The following PID1 variants were observed in gnomAD, a reference collection of about 807,000 sequenced individuals.
PID1 encodes phosphotyrosine interaction domain containing 1.
In PID1, 10 loss-of-function variants were observed where a neutral mutation model predicts 19.1. The ratio of observed to expected loss-of-function variants is 0.52; its 90% CI spans 0.32 to 0.89. The LOEUF is 0.89. Among genes scored for constraint, PID1 ranks in the 40% least tolerant of loss-of-function variants. The pLI, the probability that PID1 is intolerant of heterozygous loss-of-function variation, is 0.03. For synonymous variants in PID1, 130 were observed against 116.0 expected (o/e 1.12, Z -0.78); for missense variants, 248 against 285.3 (o/e 0.87, Z 0.94).
chr2:229,201,965 C>G (rs1691507371), intron 1 of PID1, among the ~76,000 whole-genome samples: 1 of 152,034 alleles, frequency 6.6e-6, no homozygotes, highest in Admixed American at 6.6e-5. Context: ...AAGCCACATT[C>G]CTATGGCTCC....
chr2:229,195,319 CAT>C (rs1175059495), intron 1 of PID1, among the ~76,000 whole-genome samples: 1 of 151,608 alleles, frequency 6.6e-6, no homozygotes, highest in African/African-American at 2.4e-5. Flanking sequence ...CCTTCATATA[CAT>C]AGATAAATGA....
intron 1 of PID1, among the ~76,000 whole-genome samples, chr2:229,158,705 C>T (rs1690431209): frequency 6.6e-6 from 1 of 152,000 alleles, no homozygotes; most frequent in Admixed American, 6.6e-5. Flanking sequence ...ATGAAACAAA[C>T]ACAAGACTGA....
rs539498194 is a variant in PID1 at position 229,229,551 on chromosome 2, G to A, written c.30+41463C>T. Among the ~76,000 whole-genome samples, 19 of 152,268 alleles carry A rather than the reference G, an allele frequency of 1.2e-4. No homozygotes were observed. In the South Asian group the frequency reaches 1.7e-3, roughly 13 times the overall value. ...ACCTGGAATGCTGAGTGGAAGGATC[G>A]CCTGAGCCCAGGAAGTTGAGGCTGC... On this transcript the variant is annotated intron_variant, in intron 1 of 2. Transcript: ENST00000392055.
chr2:229,197,282 A>C (rs2106237028), intron 1 of PID1, among the ~76,000 whole-genome samples: 1 of 152,158 alleles, frequency 6.6e-6, no homozygotes, highest in African/African-American at 2.4e-5. Context: ...ATGGTACATA[A>C]AACCTTTGCA....
intron 1 of PID1, among the ~76,000 whole-genome samples, chr2:229,259,841 A>G (rs542914947): frequency 3.9e-4 from 59 of 152,304 alleles, no homozygotes; most frequent in South Asian, 1.7e-3. Context: ...CTTACAAAAT[A>G]GGCCTAAGAG....
At chr2:229,189,057 G>C (rs540201316) in intron 1 of PID1, among the ~76,000 whole-genome samples, 1 of 152,172 alleles carries the variant, frequency 6.6e-6, no homozygotes, top group Non-Finnish European at 1.5e-5. Context: ...CTTAAATCAT[G>C]AGAAGAACTC....
chr2:229,166,066 C>T (rs1052517367), intron 1 of PID1, among the ~76,000 whole-genome samples: 7 of 152,146 alleles, frequency 4.6e-5, no homozygotes, highest in Non-Finnish European at 4.4e-5. Context: ...TTAGAAACAA[C>T]CTAAATGTTT....
intron 1 of PID1, among the ~76,000 whole-genome samples, chr2:229,183,571 CCAT>C (rs1166687668): frequency 6.6e-6 from 1 of 152,132 alleles, no homozygotes; most frequent in Non-Finnish European, 1.5e-5. Context: ...GGCTGACTCT[CCAT>C]CAAGTAAGAG....
intron 1 of PID1, among the ~76,000 whole-genome samples, chr2:229,236,057 G>A (rs1389981670): frequency 6.6e-6 from 1 of 152,146 alleles, no homozygotes; most frequent in Non-Finnish European, 1.5e-5. Context: ...TCCCTGAGAT[G>A]TGAGGCAGCA....
chr2:229,080,565 T>C (rs753672674), intron 2 of PID1, among the ~76,000 whole-genome samples: 13 of 152,180 alleles, frequency 8.5e-5, no homozygotes, highest in Non-Finnish European at 1.8e-4. Flanking sequence ...AACCCTCATA[T>C]ATGCACCAAT....
chr2:229,234,285 T>A (rs1251316605), intron 1 of PID1, among the ~76,000 whole-genome samples: 1 of 152,164 alleles, frequency 6.6e-6, no homozygotes, highest in Non-Finnish European at 1.5e-5. Flanking sequence ...GTTAATTCCT[T>A]AAAGTATGGG....
At chr2:229,233,832 C>G (rs1692267927) in intron 1 of PID1, among the ~76,000 whole-genome samples, 2 of 152,140 alleles carry the variant, frequency 1.3e-5, no homozygotes, top group African/African-American at 4.8e-5. Context: ...ACGAGGAAAC[C>G]TCTACTACCA....
At chr2:229,259,972 TA>T (rs1196746677) in intron 1 of PID1, among the ~76,000 whole-genome samples, 1 of 152,154 alleles carries the variant, frequency 6.6e-6, no homozygotes, top group Non-Finnish European at 1.5e-5. Flanking sequence ...CTTACAGCTT[TA>T]AGAACCATGA....
At chr2:229,193,459 T>TA (rs1691306733) in intron 1 of PID1, among the ~76,000 whole-genome samples, 1 of 152,178 alleles carries the variant, frequency 6.6e-6, no homozygotes, top group Non-Finnish European at 1.5e-5. Flanking sequence ...GTCGTGTCAC[T>TA]AAAGCCAACC....
At chr2:229,230,174 T>C (rs1022104486) in intron 1 of PID1, among the ~76,000 whole-genome samples, 4 of 152,334 alleles carry the variant, frequency 2.6e-5, no homozygotes, top group Admixed American at 2.6e-4. Context: ...AGAGTAATTG[T>C]TTCTAATATG....
chr2:229,049,587 A>C (rs1177195433), intron 2 of PID1, among the ~76,000 whole-genome samples: 3 of 152,150 alleles, frequency 2.0e-5, no homozygotes, highest in Admixed American at 2.0e-4. Flanking sequence ...CTAGTAATTT[A>C]TTAGTAGTAG....
chr2:229,172,610 G>A (rs1347069554), intron 1 of PID1, among the ~76,000 whole-genome samples: 1 of 152,112 alleles, frequency 6.6e-6, no homozygotes, highest in Non-Finnish European at 1.5e-5. Context: ...ATATTGATTA[G>A]GGCCCACCCT....
chr2:229,063,118 AT>A (rs775377595), intron 2 of PID1, among the ~76,000 whole-genome samples: 42 of 152,058 alleles, frequency 2.8e-4, no homozygotes, highest in Non-Finnish European at 4.7e-4. Context: ...TATCTATTAC[AT>A]TTATTTCTGC....
intron 2 of PID1, among the ~76,000 whole-genome samples, chr2:229,123,533 G>A (rs1695564333): frequency 6.6e-6 from 1 of 152,190 alleles, no homozygotes; most frequent in Non-Finnish European, 1.5e-5. Flanking sequence ...TCTTGGATAT[G>A]TACTCCTAGG....
Sources: gnomAD v4.1 joint callset for allele counts (sites outside exome capture counted in the v4.1 genomes callset) on GRCh38, gnomAD v4.1.1 for gene constraint, MANE v1.5 for transcripts, NCBI Gene and HGNC (gene_info 2026-07-23, HGNC 2026-07-21) for gene names.